VAV3: variants seen among roughly 807,000 people sequenced by gnomAD.
The protein encoded by VAV3 is guanine nucleotide exchange factor VAV3.
In VAV3, 94 loss-of-function variants were observed where a neutral mutation model predicts 131.2. That is an observed-to-expected ratio of 0.72 (90% CI 0.61 to 0.85). The LOEUF is 0.85. VAV3 is among the 40% of genes least tolerant of loss of function. The pLI is 0.00. For missense variants in VAV3, 939 were observed against 1,002.7 expected (o/e 0.94, Z 0.86); for synonymous variants, 349 against 342.0 (o/e 1.02, Z -0.22).
At chr1:107,873,368 G>A (rs1382622356) in intron 2 of VAV3, among the ~76,000 whole-genome samples, 3 of 151,956 alleles carry the variant, frequency 2.0e-5, no homozygotes, top group African/African-American at 7.3e-5. Context: ...GTTCCTTAAT[G>A]AGCTTTAAAA....
At position 107,791,957 on chromosome 1, in the gene VAV3, T is replaced by C. The variant is rs144618062; in HGVS notation, c.322-12465A>G. Among the ~76,000 whole-genome samples, 304 of 152,322 alleles carry C rather than the reference T, an allele frequency of 2.0e-3. 4 individuals carry two copies. Among genetic ancestry groups the C allele is most frequent in the East Asian group, 1.7e-3 (9 of 5,184 alleles). ...ATGGCAGGTAAATGACAACCTACAT[T>C]TGAACCCAGCTTTCAATATTCAGAT... On this transcript the variant is annotated intron_variant, in intron 2 of 26. Coordinates refer to ENST00000370056, the MANE Select transcript of VAV3 (RefSeq NM_006113.5).
intron 17 of VAV3, among the ~76,000 whole-genome samples, chr1:107,696,409 G>C (rs947741008): frequency 1.3e-5 from 2 of 151,910 alleles, no homozygotes; most frequent in Non-Finnish European, 2.9e-5. Context: ...TTCCCATCTG[G>C]GTGTACTTCT....
chr1:107,826,165 T>C (rs1252139690), intron 2 of VAV3, among the ~76,000 whole-genome samples: 2 of 152,160 alleles, frequency 1.3e-5, no homozygotes, highest in Non-Finnish European at 2.9e-5. Flanking sequence ...ACTTACCAAA[T>C]ACTGCCTTGC....
chr1:107,574,999 G>GTT (rs1558059627), intron 25 of VAV3, among the ~76,000 whole-genome samples: 18 of 51,182 alleles, frequency 3.5e-4, no homozygotes, highest in African/African-American at 1.2e-3. Flanking sequence ...GTGTGCGTGC[G>GTT]TGCGCGCGCG....
At chr1:107,862,825 TAGA>T (rs762634706) in intron 2 of VAV3, 2 of 144,484 alleles carry the variant, frequency 1.4e-5, no homozygotes, top group East Asian at 4.1e-4. Flanking sequence ...CAAATATTCC[TAGA>T]AGGTTTCCTA....
intron 19 of VAV3, among the ~76,000 whole-genome samples, chr1:107,646,651 T>C (rs1017736661): frequency 6.6e-6 from 1 of 152,112 alleles, no homozygotes; most frequent in Non-Finnish European, 1.5e-5. Flanking sequence ...CCTTAATATA[T>C]AACTTGACAA....
At chr1:107,955,317 GT>G (rs58239664) in intron 1 of VAV3, among the ~76,000 whole-genome samples, 7 of 149,460 alleles carry the variant, frequency 4.7e-5, no homozygotes, top group East Asian at 3.9e-4. Context: ...TGCTGGCTAT[GT>G]TTTTTTTTTA....
intron 15 of VAV3, among the ~76,000 whole-genome samples, chr1:107,724,063 A>G (rs1315144307): frequency 6.6e-6 from 1 of 152,160 alleles, no homozygotes; most frequent in Non-Finnish European, 1.5e-5. Context: ...TCTTAACCCA[A>G]TATTAAGGAG....
chr1:107,772,979 A>G (rs1402959066), intron 4 of VAV3, 136 bp from the exon 5 acceptor site: 1 of 715,352 alleles, frequency 1.4e-6, no homozygotes, highest in African/African-American at 1.8e-5. Flanking sequence ...CAAAAGGTTT[A>G]CATTACAACT....
At chr1:107,879,849 TAA>T (rs1450117521) in intron 1 of VAV3, among the ~76,000 whole-genome samples, 1 of 152,206 alleles carries the variant, frequency 6.6e-6, no homozygotes, top group Non-Finnish European at 1.5e-5. Flanking sequence ...TGTATCCATA[TAA>T]GAGTTGCCAA....
At chr1:107,839,576 A>G (rs1668607346) in intron 2 of VAV3, among the ~76,000 whole-genome samples, 1 of 152,086 alleles carries the variant, frequency 6.6e-6, no homozygotes, top group Non-Finnish European at 1.5e-5. Flanking sequence ...TAAACCAGAA[A>G]AAATATCTAA....
At chr1:107,744,059 G>A (rs1351880656) in intron 15 of VAV3, among the ~76,000 whole-genome samples, 2 of 152,140 alleles carry the variant, frequency 1.3e-5, no homozygotes, top group Non-Finnish European at 2.9e-5. Context: ...CAACAGTGAA[G>A]GTCCTCTCAG....
chr1:107,667,234 C>T (rs1208780268), intron 19 of VAV3, among the ~76,000 whole-genome samples: 1 of 152,138 alleles, frequency 6.6e-6, no homozygotes, highest in African/African-American at 2.4e-5. Context: ...TAATGTTCCA[C>T]AATATAGTCT....
At chr1:107,630,351 AT>A (rs1397853671) in intron 20 of VAV3, among the ~76,000 whole-genome samples, 12 of 151,466 alleles carry the variant, frequency 7.9e-5, no homozygotes, top group Non-Finnish European at 1.6e-4. Context: ...GGATGGGAGG[AT>A]GGATGGATGG....
In VAV3 at chr1:107,895,563, T is replaced by A. The variant is rs12081486; in HGVS notation, c.205-20546A>T. On this transcript the variant is annotated intron_variant, in intron 1 of 26. Coordinates refer to ENST00000370056, the MANE Select transcript of VAV3 (RefSeq NM_006113.5). ...CAGCCAATAGTTAGAGGAGGTAGGA[T>A]TCAAACTGAGGCAGCCTGGCTTCAC... 3.6e-3 allele frequency among the ~76,000 whole-genome samples: 547 copies of A among 152,202 alleles called. 2 individuals carry two copies. Among genetic ancestry groups the A allele is most frequent in the African/African-American group, 0.012 (508 of 41,526 alleles).
At chr1:107,922,012 A>G (rs1371091407) in intron 1 of VAV3, among the ~76,000 whole-genome samples, 1 of 152,234 alleles carries the variant, frequency 6.6e-6, no homozygotes, top group African/African-American at 2.4e-5. Context: ...AGGAATAGAC[A>G]CTAAGTTCTT....
At chr1:107,748,619 T>C (rs897540324) in intron 15 of VAV3, among the ~76,000 whole-genome samples, 1 of 152,208 alleles carries the variant, frequency 6.6e-6, no homozygotes, top group Non-Finnish European at 1.5e-5. Context: ...TAAAGGTATA[T>C]AATTTAAAAA....
chr1:107,782,508 G>C (rs1027588935), intron 2 of VAV3, among the ~76,000 whole-genome samples: 1 of 152,106 alleles, frequency 6.6e-6, no homozygotes, highest in African/African-American at 2.4e-5. Flanking sequence ...TGCTTAACAG[G>C]AGTTATTTAT....
At chr1:107,696,388 A>G (rs1361780917) in intron 17 of VAV3, among the ~76,000 whole-genome samples, 1 of 152,202 alleles carries the variant, frequency 6.6e-6, no homozygotes, top group Non-Finnish European at 1.5e-5. Flanking sequence ...ATAGGACATT[A>G]TAATTTATTC....
Sources: gnomAD v4.1 joint callset for allele counts (sites outside exome capture counted in the v4.1 genomes callset) on GRCh38, gnomAD v4.1.1 for gene constraint, MANE v1.5 for transcripts, NCBI Gene and HGNC (gene_info 2026-07-23, HGNC 2026-07-21) for gene names.